Variants in ZBBX observed in about 807,000 individuals in gnomAD.
ZBBX encodes zinc finger B-box domain-containing protein 1.
Under a neutral mutation model 108.5 loss-of-function variants are expected in ZBBX, and 101 were observed. The ratio of observed to expected loss-of-function variants is 0.93; its 90% CI spans 0.79 to 1.10. The LOEUF is 1.10. Ranked by LOEUF, ZBBX falls within the 50% of genes least tolerant of loss-of-function variation. The probability of loss-of-function intolerance (pLI) is 0.00; values close to 1 mark genes in which losing one functional copy is unlikely to be tolerated. For missense variants in ZBBX, 1,009 were observed against 941.4 expected (o/e 1.07, Z -0.94); for synonymous variants, 356 against 323.4 (o/e 1.10, Z -1.08).
At chr3:167,210,234 T>C in the ZBBX span, among the ~76,000 whole-genome samples, 118 of 151,914 alleles carry the variant, frequency 7.8e-4, 1 homozygote, top group Admixed American at 7.9e-4. Context: ...AAGCAGAAAT[T>C]ATGGAGTTGA....
At chr3:167,322,957 T>C (rs1736691997) in intron 11 of ZBBX, among the ~76,000 whole-genome samples, 1 of 152,132 alleles carries the variant, frequency 6.6e-6, no homozygotes, top group African/African-American at 2.4e-5. Context: ...CAGCCTCATA[T>C]TGTAGACTTC....
rs760416550 is a variant in ZBBX, at chr3:167,360,697, T to C, written c.300A>G (p.Lys100=). The C allele has an allele frequency of 7.2e-7, 1 of 1,386,312 alleles. No individual in the cohort carries two copies. Among genetic ancestry groups the C allele is most frequent in the Non-Finnish European group, 9.5e-7 (1 of 1,057,138 alleles). The allele number at this position is 1,386,312 out of a possible 1,614,324, so 85.9% of individuals were successfully genotyped here. ...TACCTTGAATCTGTTCCTTCAGCAATTTTAATTTCACTTTTCCAGCAGAAA... is the reference window on the plus strand; with the variant it reads ...TACCTTGAATCTGTTCCTTCAGCAACTTTAATTTCACTTTTCCAGCAGAAA... ...VKFSAGKVKL[K]LLKEQIQEPV... The change falls in exon 7 of 22, where the codon AAA becomes AAG. Residue 100 remains lysine, a synonymous_variant. Transcript: ENST00000675490.
At chr3:167,319,476 T>C (rs1041939446) in intron 12 of ZBBX, among the ~76,000 whole-genome samples, 1 of 151,960 alleles carries the variant, frequency 6.6e-6, no homozygotes, top group Non-Finnish European at 1.5e-5. Flanking sequence ...TAAAAACCCA[T>C]AGAACTGTAC....
chr3:167,351,128 A>G (rs1270254761), intron 8 of ZBBX, among the ~76,000 whole-genome samples: 2 of 152,128 alleles, frequency 1.3e-5, no homozygotes, highest in Non-Finnish European at 2.9e-5. Context: ...ATGGAACTAC[A>G]TTACCATGTC....
chr3:167,341,358 C>T (rs891686184), intron 9 of ZBBX, among the ~76,000 whole-genome samples: 2 of 151,644 alleles, frequency 1.3e-5, no homozygotes, highest in Admixed American at 1.3e-4. Context: ...ATATTTAGTA[C>T]TTTATAAAAT....
At chr3:167,275,388 G>T (rs1334315981) in intron 20 of ZBBX, among the ~76,000 whole-genome samples, 1 of 152,170 alleles carries the variant, frequency 6.6e-6, no homozygotes, top group Non-Finnish European at 1.5e-5. Flanking sequence ...TCACTAGGGA[G>T]TGCCAGACAG....
intron 1 of ZBBX, among the ~76,000 whole-genome samples, chr3:167,395,418 A>G (rs193221128): frequency 1.3e-5 from 2 of 152,128 alleles, no homozygotes; most frequent in East Asian, 3.9e-4. Flanking sequence ...AACAGGCAGG[A>G]GTGCCAGAGT....
chr3:167,280,782 C>T (rs1304484278), intron 20 of ZBBX, among the ~76,000 whole-genome samples: 3 of 152,006 alleles, frequency 2.0e-5, no homozygotes, highest in African/African-American at 7.2e-5. Flanking sequence ...ATAAATCATG[C>T]TGCTATAAAG....
chr3:167,217,188 C>A, the ZBBX span, among the ~76,000 whole-genome samples: 1 of 152,084 alleles, frequency 6.6e-6, no homozygotes, highest in Non-Finnish European at 1.5e-5. Flanking sequence ...AACAGACAAC[C>A]TATGGAATAG....
chr3:167,361,850 T>C (rs1744566784), intron 6 of ZBBX, among the ~76,000 whole-genome samples: 1 of 152,204 alleles, frequency 6.6e-6, no homozygotes, highest in African/African-American at 2.4e-5. Flanking sequence ...AGTGTGGTTG[T>C]AGGCTACCCT....
At chr3:167,194,682 C>A in the ZBBX span, among the ~76,000 whole-genome samples, 1 of 152,158 alleles carries the variant, frequency 6.6e-6, no homozygotes, top group Non-Finnish European at 1.5e-5. Flanking sequence ...CCACTGTCAC[C>A]ACTAGTCCTC....
At chr3:167,178,540 A>G in the ZBBX span, among the ~76,000 whole-genome samples, 1 of 152,114 alleles carries the variant, frequency 6.6e-6, no homozygotes, top group African/African-American at 2.4e-5. Context: ...CAGTCTTGAC[A>G]TGGCTGCAAC....
intron 20 of ZBBX, among the ~76,000 whole-genome samples, chr3:167,260,791 A>T (rs1724373219): frequency 6.6e-6 from 1 of 152,150 alleles, no homozygotes; most frequent in Non-Finnish European, 1.5e-5. Context: ...TTCCTCCCTG[A>T]TTAGCTTAAT....
At chr3:167,204,999 GA>G in the ZBBX span, among the ~76,000 whole-genome samples, 1 of 151,828 alleles carries the variant, frequency 6.6e-6, no homozygotes, top group Non-Finnish European at 1.5e-5. Flanking sequence ...AGAAGAGAAG[GA>G]AAAAAATGAT....
chr3:167,333,623 G>C (rs1427905435), intron 10 of ZBBX, among the ~76,000 whole-genome samples: 1 of 152,198 alleles, frequency 6.6e-6, no homozygotes. Flanking sequence ...TCACCAAAAA[G>C]AGTAGTGTTC....
chr3:167,363,653 T>C (rs1744890504), intron 6 of ZBBX, among the ~76,000 whole-genome samples: 1 of 152,050 alleles, frequency 6.6e-6, no homozygotes, highest in Non-Finnish European at 1.5e-5. Context: ...TCTTTCATTC[T>C]ACAAACTGGC....
At chr3:167,238,198 A>G (rs1205817228), downstream of ZBBX, among the ~76,000 whole-genome samples, 1 of 152,014 alleles carries the variant, frequency 6.6e-6, no homozygotes, top group Admixed American at 6.6e-5. Flanking sequence ...TAAAATTCAG[A>G]AAGCCAGTAG....
At chr3:167,296,428 G>A (rs1454909054) in intron 18 of ZBBX, among the ~76,000 whole-genome samples, 1 of 151,966 alleles carries the variant, frequency 6.6e-6, no homozygotes, top group Non-Finnish European at 1.5e-5. Context: ...AATTAGAAAG[G>A]AAGAAGTAAA....
chr3:167,247,405 G>T (rs760121022), intron 20 of ZBBX, among the ~76,000 whole-genome samples: 1 of 152,122 alleles, frequency 6.6e-6, no homozygotes. Context: ...CTCCCTTCTC[G>T]CTTCCCCATC....
Sources: allele counts gnomAD v4.1 joint callset (sites outside exome capture counted in the v4.1 genomes callset), GRCh38; gene constraint gnomAD v4.1.1; transcripts MANE v1.5; gene names NCBI Gene and HGNC (gene_info 2026-07-23, HGNC 2026-07-21).